Variants in PCSK2 observed in about 807,000 individuals in gnomAD.
The protein encoded by PCSK2 is proprotein convertase subtilisin/kexin type 2, also known as neuroendocrine convertase 2.
Under a neutral mutation model 69.7 loss-of-function variants are expected in PCSK2, and 14 were observed. The observed-to-expected ratio is 0.20, with a 90% confidence interval of 0.13 to 0.31. PCSK2 has a LOEUF of 0.31. PCSK2 is among the 10% of genes least tolerant of loss of function. The pLI is 1.00. For synonymous variants in PCSK2, 307 were observed against 320.7 expected (o/e 0.96, Z 0.46); for missense variants, 544 against 842.5 (o/e 0.65, Z 4.39).
chr20:17,262,218 G>A (rs990104975), intron 2 of PCSK2, among the ~76,000 whole-genome samples: 4 of 152,172 alleles, frequency 2.6e-5, no homozygotes, highest in Admixed American at 2.6e-4. Flanking sequence ...ATCACCAAAA[G>A]GGGTGCCTAT....
At chr20:17,249,648 T>C (rs1209162475) in intron 1 of PCSK2, among the ~76,000 whole-genome samples, 1 of 151,938 alleles carries the variant, frequency 6.6e-6, no homozygotes, top group African/African-American at 2.4e-5. Context: ...GTATACAGGG[T>C]GGAATATTTA....
In PCSK2 at chr20:17,481,911, G is replaced by A; in HGVS notation, c.1758G>A (p.Glu586=). ...CCCCGCAGAAGGGGGTGCTGAAGGA[G>A]TGGACCCTGATGCTGCATGGCACTC... The part of the protein sequence containing the change: ...GSAPQKGVLK[E]WTLMLHGTQS... The change falls in exon 12 of 12, where the codon GAG becomes GAA. Residue 586 remains glutamate, a synonymous_variant. Coordinates refer to ENST00000262545, the MANE Select transcript of PCSK2 (RefSeq NM_002594.5). 1 of 1,613,960 alleles carries A rather than the reference G, an allele frequency of 6.2e-7. No individual in the cohort carries two copies.
chr20:17,423,987 G>A (rs2032189813), intron 6 of PCSK2, among the ~76,000 whole-genome samples: 1 of 152,144 alleles, frequency 6.6e-6, no homozygotes, highest in Non-Finnish European at 1.5e-5. Flanking sequence ...CAACAGGATT[G>A]CTCACACCTT....
At chr20:17,410,595 C>T (rs1362593755) in intron 6 of PCSK2, among the ~76,000 whole-genome samples, 2 of 152,322 alleles carry the variant, frequency 1.3e-5, no homozygotes, top group African/African-American at 4.8e-5. Context: ...ACATCACCTG[C>T]AACCTGAAAA....
At chr20:17,366,209 A>G (rs1184225990) in intron 4 of PCSK2, among the ~76,000 whole-genome samples, 1 of 152,208 alleles carries the variant, frequency 6.6e-6, no homozygotes, top group Non-Finnish European at 1.5e-5. Context: ...GTGCACATGG[A>G]ACTCCTTCCT....
intron 1 of PCSK2, among the ~76,000 whole-genome samples, chr20:17,236,136 A>G (rs998744668): frequency 6.6e-6 from 1 of 152,114 alleles, no homozygotes; most frequent in Admixed American, 6.5e-5. Flanking sequence ...GAGAAGAGAG[A>G]TATATAAATT....
chr20:17,369,191 G>A, intron 4 of PCSK2, 49 bp from the exon 5 acceptor site: 1 of 1,553,246 alleles, frequency 6.4e-7, no homozygotes, highest in Non-Finnish European at 8.9e-7. Flanking sequence ...TGAGGACACA[G>A]TGGCAGGTAT....
At chr20:17,383,268 C>T (rs1018153694) in intron 5 of PCSK2, among the ~76,000 whole-genome samples, 1 of 152,152 alleles carries the variant, frequency 6.6e-6, no homozygotes. Context: ...CTATGCTTCT[C>T]CTTATTTATA....
intron 2 of PCSK2, among the ~76,000 whole-genome samples, chr20:17,266,592 G>T (rs1251792574): frequency 6.6e-6 from 1 of 152,140 alleles, no homozygotes; most frequent in African/African-American, 2.4e-5. Flanking sequence ...TCTTCATTTT[G>T]GATTTCCCAG....
chr20:17,387,494 C>A (rs2031266869), intron 5 of PCSK2, among the ~76,000 whole-genome samples: 1 of 152,160 alleles, frequency 6.6e-6, no homozygotes, highest in Non-Finnish European at 1.5e-5. Context: ...CACATGGTGG[C>A]TGTTGGCAGG....
At chr20:17,255,606 G>C (rs1252501018) in intron 1 of PCSK2, among the ~76,000 whole-genome samples, 1 of 152,176 alleles carries the variant, frequency 6.6e-6, no homozygotes, top group African/African-American at 2.4e-5. Context: ...CTCCCAAAGT[G>C]CTGGGATTAC....
intron 6 of PCSK2, among the ~76,000 whole-genome samples, chr20:17,426,758 G>C (rs576345863): frequency 6.6e-6 from 1 of 152,198 alleles, no homozygotes; most frequent in East Asian, 1.9e-4. Flanking sequence ...CTCAGAGAAG[G>C]CCAGATCTTT....
intron 2 of PCSK2, among the ~76,000 whole-genome samples, chr20:17,324,671 C>T (rs531212958): frequency 6.6e-6 from 1 of 152,110 alleles, no homozygotes; most frequent in Non-Finnish European, 1.5e-5. Flanking sequence ...CTATCAGTAG[C>T]CCCCATGGAA....
chr20:17,313,619 A>AAGAGGGCAGAGGCCTCCAAAGTTGCTTT (rs1470565651), intron 2 of PCSK2, among the ~76,000 whole-genome samples: 3 of 152,074 alleles, frequency 2.0e-5, no homozygotes, highest in Admixed American at 6.6e-5. Context: ...TTGCATCCTG[A>AAGAGGGCAGAGGCCTCCAAAGTTGCTTT]AGAGGGCAGA....
At chr20:17,412,117 C>T (rs1164326349) in intron 6 of PCSK2, among the ~76,000 whole-genome samples, 2 of 152,192 alleles carry the variant, frequency 1.3e-5, no homozygotes, top group Non-Finnish European at 2.9e-5. Context: ...ACGAGTGCCT[C>T]TTCTCCTCCA....
intron 6 of PCSK2, among the ~76,000 whole-genome samples, chr20:17,415,636 C>G (rs981438788): frequency 6.6e-6 from 1 of 152,150 alleles, no homozygotes; most frequent in African/African-American, 2.4e-5. Flanking sequence ...AATGCCATCC[C>G]CATCAAGCTA....
intron 5 of PCSK2, among the ~76,000 whole-genome samples, chr20:17,399,663 C>A (rs762196636): frequency 7.9e-5 from 12 of 152,120 alleles, no homozygotes; most frequent in Non-Finnish European, 1.5e-4. Flanking sequence ...TTGCAAGGAG[C>A]CACAGTCCTG....
At chr20:17,291,724 C>T (rs1988699188) in intron 2 of PCSK2, among the ~76,000 whole-genome samples, 1 of 152,080 alleles carries the variant, frequency 6.6e-6, no homozygotes, top group Admixed American at 6.5e-5. Context: ...GAACAGAGAC[C>T]TAACCACAGC....
chr20:17,458,533 G>A (rs939385674), intron 10 of PCSK2, among the ~76,000 whole-genome samples: 1 of 152,148 alleles, frequency 6.6e-6, no homozygotes, highest in African/African-American at 2.4e-5. Flanking sequence ...GAAAACCATT[G>A]GTCAGGATGA....
Sources: allele counts gnomAD v4.1 joint callset (sites outside exome capture counted in the v4.1 genomes callset), GRCh38; gene constraint gnomAD v4.1.1; transcripts MANE v1.5; gene names NCBI Gene and HGNC (gene_info 2026-07-23, HGNC 2026-07-21).